The following PCDHGB1 variants were observed in gnomAD, a reference collection of about 807,000 sequenced individuals.
PCDHGB1 encodes protocadherin gamma-B1.
PCDHGB1 carries 34 observed loss-of-function variants against 56.6 expected under a neutral mutation model. That is an observed-to-expected ratio of 0.60 (90% confidence interval 0.46 to 0.80). PCDHGB1 has a LOEUF of 0.80. PCDHGB1 is among the 30% of genes least tolerant of loss of function. The probability of loss-of-function intolerance (pLI) is 0.00; values close to 1 mark genes in which losing one functional copy is unlikely to be tolerated. For synonymous variants in PCDHGB1, 561 were observed against 505.9 expected (o/e 1.11, Z -1.46); for missense variants, 1,278 against 1,204.6 (o/e 1.06, Z -0.90).
chr5:141,430,110 C>T (rs919470038), intron 1 of PCDHGB1, among the ~76,000 whole-genome samples: 1 of 152,060 alleles, frequency 6.6e-6, no homozygotes, highest in Admixed American at 6.5e-5. Flanking sequence ...CGTTACATGT[C>T]AACAACCTGG....
rs200317374 is a variant in PCDHGB1 at position 141,408,395 on chromosome 5, A to G, written c.2409+55726A>G. On this transcript the variant is annotated intron_variant, in intron 1 of 3. Coordinates refer to ENST00000523390, the MANE Select transcript of PCDHGB1 (RefSeq NM_018922.3). ...CAGTGTCCTGGATGTGTCGGCTCGC[A>G]AGCTGCGAGTGAGCGCGGAGAAGCT... 8.8e-3 allele frequency: 14,159 copies of G among 1,613,888 alleles called. 310 individuals are homozygous for G. Among genetic ancestry groups the G allele is most frequent in the South Asian group, 0.064 (5,857 of 91,072 alleles).
chr5:141,401,672 T>A (rs1468956975), intron 1 of PCDHGB1, among the ~76,000 whole-genome samples: 1 of 152,222 alleles, frequency 6.6e-6, no homozygotes, highest in African/African-American at 2.4e-5. Context: ...CTCAACATCC[T>A]TGTAGGATGG....
At chr5:141,408,202 G>C (rs778320550) in intron 1 of PCDHGB1, 8 of 1,549,950 alleles carry the variant, frequency 5.2e-6, no homozygotes, top group South Asian at 3.6e-5. Context: ...CCGAGCGAAC[G>C]ATGGGAGGGA....
At chr5:141,376,521 C>T (rs567480751) in intron 1 of PCDHGB1, 5 of 1,613,810 alleles carry the variant, frequency 3.1e-6, no homozygotes, top group East Asian at 4.5e-5. Context: ...AGTTTCTTTC[C>T]GCCTAAGCGG....
intron 1 of PCDHGB1, chr5:141,389,274 C>T (rs183257097): frequency 1.2e-6 from 2 of 1,614,032 alleles, no homozygotes; most frequent in Non-Finnish European, 8.5e-7. Flanking sequence ...CGAGAACAAC[C>T]CGCCTGGAGC....
intron 1 of PCDHGB1, among the ~76,000 whole-genome samples, chr5:141,482,800 G>A (rs10052648): frequency 7.6e-6 from 1 of 130,764 alleles, no homozygotes; most frequent in South Asian, 2.2e-4. Flanking sequence ...GGCCGGGTAC[G>A]GTGGCTCATG....
At chr5:141,434,427 G>A (rs2097693282) in intron 1 of PCDHGB1, among the ~76,000 whole-genome samples, 1 of 152,216 alleles carries the variant, frequency 6.6e-6, no homozygotes, top group African/African-American at 2.4e-5. Context: ...GTTCATGATG[G>A]CCGTAATGCC....
intron 1 of PCDHGB1, chr5:141,391,690 A>AC (rs1231042361): frequency 6.6e-6 from 1 of 152,236 alleles, no homozygotes; most frequent in African/African-American, 2.4e-5. Flanking sequence ...TTCATCTGCT[A>AC]CGTTGCCCAG....
chr5:141,406,406 C>T (rs976555739), intron 1 of PCDHGB1, among the ~76,000 whole-genome samples: 18 of 152,174 alleles, frequency 1.2e-4, no homozygotes, highest in Non-Finnish European at 1.8e-4. Context: ...CTTAGAGAAA[C>T]AGCTGAAAGC....
chr5:141,374,333 T>G lies in PCDHGB1; in HGVS notation c.2409+21664T>G, dbSNP rs767860795. 3.7e-6 allele frequency: 6 copies of G among 1,613,886 alleles called. No homozygotes were observed. In the African/African-American group the frequency reaches 5.3e-5, roughly 14 times the overall value. On this transcript the variant is annotated intron_variant, in intron 1 of 3. Coordinates refer to ENST00000523390, the MANE Select transcript of PCDHGB1 (RefSeq NM_018922.3). ...CTCTCTGAATCCGCGAAACGGCAGC[T>G]TGGTCACCGCGGGTAGGATAGACCG...
chr5:141,410,849 CTTT>C (rs759346998), intron 1 of PCDHGB1: 1,556 of 136,944 alleles, frequency 0.011, no homozygotes, highest in South Asian at 0.02. Flanking sequence ...TTGTCTTTGT[CTTT>C]TTTTTTTTTT....
At chr5:141,356,568 C>T (rs772202160) in intron 1 of PCDHGB1, 1 of 1,614,150 alleles carries the variant, frequency 6.2e-7, no homozygotes, top group South Asian at 1.1e-5. Flanking sequence ...CTCATGCTTC[C>T]TACTCTGCTT....
At position 141,350,903 on chromosome 5, in the gene PCDHGB1, G is replaced by A; in HGVS notation, c.643G>A (p.Gly215Arg). ...HRLILTAMDG[G>R]DPPLSGTTHI... ...CTTAATCCTGACTGCCATGGATGGCGGGGACCCGCCTCTAAGCGGCACCAC... is the reference window on the plus strand; with the variant it reads ...CTTAATCCTGACTGCCATGGATGGCAGGGACCCGCCTCTAAGCGGCACCAC... Residue 215 changes from glycine to arginine, a missense_variant, in exon 1 of 4, where the codon GGG (glycine) becomes AGG (arginine). Transcript: ENST00000523390. The A allele has an allele frequency of 6.2e-7, 1 of 1,614,070 alleles. No homozygotes were observed. The highest frequency in any genetic ancestry group is 8.5e-7 in the Non-Finnish European group (1 of 1,179,904).
At chr5:141,481,894 A>G (rs1278425155) in intron 1 of PCDHGB1, among the ~76,000 whole-genome samples, 1 of 145,812 alleles carries the variant, frequency 6.9e-6, no homozygotes, top group Non-Finnish European at 1.5e-5. Flanking sequence ...AGCCTGGGTG[A>G]AAGAGCGAAA....
intron 1 of PCDHGB1, among the ~76,000 whole-genome samples, chr5:141,463,377 G>T (rs1161419035): frequency 2.7e-5 from 4 of 147,358 alleles, no homozygotes; most frequent in Non-Finnish European, 3.0e-5. Flanking sequence ...CCCACAGTCT[G>T]AAAGTTGTCT....
At chr5:141,421,878 T>C (rs1364225081) in intron 1 of PCDHGB1, 1 of 1,613,612 alleles carries the variant, frequency 6.2e-7, no homozygotes, top group African/African-American at 1.3e-5. Context: ...CAGCTTTAGA[T>C]GGAGGCGATC....
chr5:141,382,530 G>A (rs1043069134), intron 1 of PCDHGB1, among the ~76,000 whole-genome samples: 2 of 152,150 alleles, frequency 1.3e-5, no homozygotes, highest in Non-Finnish European at 2.9e-5. Context: ...GTCTTAAAAT[G>A]GATTTTTAAT....
At chr5:141,450,608 T>A (rs916441293) in intron 1 of PCDHGB1, among the ~76,000 whole-genome samples, 1 of 151,894 alleles carries the variant, frequency 6.6e-6, no homozygotes, top group East Asian at 1.9e-4. Flanking sequence ...TGCCTCAGCC[T>A]CCTGAGTAGC....
Position 141,447,812 on chromosome 5 carries a change from G to A in PCDHGB1, c.2410-46995G>A, listed in dbSNP as rs557330895. 5.4e-4 allele frequency among the ~76,000 whole-genome samples: 82 copies of A among 152,254 alleles called. 1 individual carries two copies. The highest frequency in any genetic ancestry group is 1.3e-3 in the Admixed American group (20 of 15,294). On this transcript the variant is annotated intron_variant, in intron 1 of 3. Coordinates refer to ENST00000523390, the MANE Select transcript of PCDHGB1 (RefSeq NM_018922.3). ...TTTAAGAAAATAAAATTGGCTGGGC[G>A]TGGTGGCTCACGCCTGTAATCCCAG...
Sources: allele counts gnomAD v4.1 joint callset (sites outside exome capture counted in the v4.1 genomes callset), GRCh38; gene constraint gnomAD v4.1.1; transcripts MANE v1.5; gene names NCBI Gene and HGNC (gene_info 2026-07-23, HGNC 2026-07-21).